Variants in ARFGEF1 observed in about 807,000 individuals in gnomAD.
ARFGEF1 encodes brefeldin A-inhibited guanine nucleotide-exchange protein 1.
A neutral mutation model predicts 231.0 loss-of-function variants in ARFGEF1; 42 were observed. That is an observed-to-expected ratio of 0.18 (90% CI 0.14 to 0.24). The LOEUF is 0.24. Among genes scored for constraint, ARFGEF1 ranks in the 10% least tolerant of loss-of-function variants. The pLI, the probability that ARFGEF1 is intolerant of heterozygous loss-of-function variation, is 1.00. For missense variants in ARFGEF1, 1,345 were observed against 2,192.0 expected (o/e 0.61, Z 7.72); for synonymous variants, 710 against 732.3 (o/e 0.97, Z 0.49).
Position 67,323,250 on chromosome 8 carries a change from T to TCAACAA in ARFGEF1, c.124+19908_124+19913dup, listed in dbSNP as rs112920519. Among the ~76,000 whole-genome samples the TCAACAA allele has an allele frequency of 2.9e-3, 435 of 151,992 alleles. 2 individuals are homozygous for TCAACAA. Among genetic ancestry groups the TCAACAA allele is most frequent in the African/African-American group, 0.01 (423 of 41,420 alleles). ...CTGAGTGACACAGCAAGACTCCATC[T>TCAACAA]CAACAACAACAACAACAAAAAAGCA... On this transcript the variant is annotated intron_variant, in intron 1 of 38. Transcript: ENST00000262215.
At chr8:67,302,493 A>T (rs750073337) in intron 1 of ARFGEF1, 27 bp from the exon 2 acceptor site, 2 of 1,536,612 alleles carry the variant, frequency 1.3e-6, no homozygotes, top group Non-Finnish European at 8.8e-7. Flanking sequence ...AGAAGCATAC[A>T]TTAGAAAACT....
At chr8:67,239,158 T>C (rs1839856192) in intron 20 of ARFGEF1, among the ~76,000 whole-genome samples, 1 of 151,804 alleles carries the variant, frequency 6.6e-6, no homozygotes, top group Non-Finnish European at 1.5e-5. Flanking sequence ...AGGCGCCCAC[T>C]ACCATGCCAA....
chr8:67,278,662 A>G (rs1198066075), intron 7 of ARFGEF1, among the ~76,000 whole-genome samples: 1 of 152,138 alleles, frequency 6.6e-6, no homozygotes, highest in Non-Finnish European at 1.5e-5. Context: ...CCTGGCCAAC[A>G]TGGTGAAACC....
chr8:67,313,594 C>G (rs1253269871), intron 1 of ARFGEF1, among the ~76,000 whole-genome samples: 6 of 152,192 alleles, frequency 3.9e-5, no homozygotes, highest in African/African-American at 1.4e-4. Flanking sequence ...CAGCTCCAGG[C>G]TTGGTACTGA....
At chr8:67,191,672 T>C (rs1004275335) in intron 5 of ARFGEF1, among the ~76,000 whole-genome samples, 3 of 152,342 alleles carry the variant, frequency 2.0e-5, no homozygotes, top group South Asian at 2.1e-4. Flanking sequence ...CATTTAACAA[T>C]AGATATTTGG....
chr8:67,303,486 G>A (rs189972007), intron 1 of ARFGEF1, among the ~76,000 whole-genome samples: 3 of 152,212 alleles, frequency 2.0e-5, no homozygotes, highest in South Asian at 2.1e-4. Flanking sequence ...CAAGGTGGGC[G>A]GATCACCTGA....
chr8:67,323,021 G>C (rs1307192158), intron 1 of ARFGEF1, among the ~76,000 whole-genome samples: 1 of 151,536 alleles, frequency 6.6e-6, no homozygotes, highest in Non-Finnish European at 1.5e-5. Context: ...TACTTTGAGA[G>C]GGGGTGGATA....
At chr8:67,260,973 T>A (rs1804592354) in intron 14 of ARFGEF1, among the ~76,000 whole-genome samples, 1 of 152,120 alleles carries the variant, frequency 6.6e-6, no homozygotes, top group Admixed American at 6.5e-5. Flanking sequence ...CAAAGCCTAA[T>A]CCCAAAAAAG....
intron 32 of ARFGEF1, among the ~76,000 whole-genome samples, chr8:67,217,040 C>T (rs556142455): frequency 2.0e-5 from 3 of 151,456 alleles, no homozygotes; most frequent in East Asian, 3.9e-4. Flanking sequence ...CGCGGTGGCT[C>T]ACGCCTGTAA....
intron 7 of ARFGEF1, among the ~76,000 whole-genome samples, chr8:67,280,063 A>C (rs1354112837): frequency 6.6e-6 from 1 of 151,966 alleles, no homozygotes; most frequent in East Asian, 1.9e-4. Context: ...TGGATCATAA[A>C]CTTTGAGGAA....
At chr8:67,228,673 CCAGTA>C (rs1839459718) in intron 23 of ARFGEF1, among the ~76,000 whole-genome samples, 1 of 151,988 alleles carries the variant, frequency 6.6e-6, no homozygotes, top group Non-Finnish European at 1.5e-5. Flanking sequence ...CGTATTTTTA[CCAGTA>C]AAGTATATTT....
chr8:67,213,744 A>G (rs896342181), intron 33 of ARFGEF1, among the ~76,000 whole-genome samples: 1 of 152,230 alleles, frequency 6.6e-6, no homozygotes, highest in Non-Finnish European at 1.5e-5. Context: ...AAAGCCTTCA[A>G]AACTGAGCAA....
chr8:67,244,310 GTTGTTGT>G (rs1317347593), intron 19 of ARFGEF1, among the ~76,000 whole-genome samples: 2 of 93,338 alleles, frequency 2.1e-5, no homozygotes, highest in Non-Finnish European at 3.9e-5. Flanking sequence ...CTCTGTTGTT[GTTGTTGT>G]TTTTTTTTTT....
At chr8:67,262,196 A>G (rs921633089) in intron 14 of ARFGEF1, among the ~76,000 whole-genome samples, 2 of 152,308 alleles carry the variant, frequency 1.3e-5, no homozygotes, top group Admixed American at 1.3e-4. Context: ...AAAAATACCA[A>G]CATCAATAGG....
At chr8:67,312,175 C>T (rs1245856566) in intron 1 of ARFGEF1, among the ~76,000 whole-genome samples, 2 of 151,208 alleles carry the variant, frequency 1.3e-5, no homozygotes, top group Non-Finnish European at 2.9e-5. Context: ...CTTCCCTCCA[C>T]TATTGTCCCA....
At chr8:67,218,481 G>A (rs1197883063) in intron 30 of ARFGEF1, among the ~76,000 whole-genome samples, 3 of 151,600 alleles carry the variant, frequency 2.0e-5, no homozygotes, top group Admixed American at 6.6e-5. Flanking sequence ...TAGCAACGCC[G>A]GCCTTGCTCT....
intron 10 of ARFGEF1, 110 bp from the exon 11 acceptor site, chr8:67,267,552 T>C (rs560658515): frequency 3.9e-5 from 26 of 663,846 alleles, no homozygotes; most frequent in Admixed American, 2.4e-4. Flanking sequence ...CAGGCTCTTA[T>C]GGAGTTCAAC....
chr8:67,206,241 C>G (rs576685395), intron 34 of ARFGEF1, among the ~76,000 whole-genome samples: 67 of 152,044 alleles, frequency 4.4e-4, no homozygotes, highest in African/African-American at 1.5e-3. Context: ...GAAACCCCAT[C>G]TCTACTAAAA....
chr8:67,302,509 G>A, intron 1 of ARFGEF1, 43 bp from the exon 2 acceptor site: 3 of 1,421,984 alleles, frequency 2.1e-6, no homozygotes, highest in South Asian at 2.9e-5. Flanking sequence ...AAACTGGACA[G>A]CAGAAAGACT....
Sources: gnomAD v4.1 joint callset for allele counts (sites outside exome capture counted in the v4.1 genomes callset) on GRCh38, gnomAD v4.1.1 for gene constraint, MANE v1.5 for transcripts, NCBI Gene and HGNC (gene_info 2026-07-23, HGNC 2026-07-21) for gene names.